Variants in ADRM1 observed in about 807,000 individuals in gnomAD.
The protein encoded by ADRM1 is proteasomal ubiquitin receptor ADRM1.
A neutral mutation model predicts 40.1 loss-of-function variants in ADRM1; 2 were observed. The ratio of observed to expected loss-of-function variants is 0.05; its 90% CI spans 0.02 to 0.16. ADRM1 has a LOEUF of 0.16. Ranked by LOEUF, ADRM1 falls within the 10% of genes least tolerant of loss-of-function variation. The pLI is 1.00. For synonymous variants in ADRM1, 287 were observed against 240.4 expected (o/e 1.19, Z -1.79); for missense variants, 467 against 552.5 (o/e 0.85, Z 1.55).
At chr20:62,304,284 G>A in intron 2 of ADRM1, 177 bp from the exon 3 acceptor site, 1 of 591,988 alleles carries the variant, frequency 1.7e-6, no homozygotes, top group South Asian at 1.9e-5. Context: ...GCCTTTCATG[G>A]GCTGTCTCTG....
chr20:62,304,119 C>T lies in ADRM1; in HGVS notation c.213+338C>T, dbSNP rs186853828. On this transcript the variant is annotated intron_variant, in intron 2 of 9. Coordinates refer to ENST00000253003, the MANE Select transcript of ADRM1 (RefSeq NM_007002.4). Reference sequence around the variant, plus strand: ...TCTGTGCCTGGCGGCTTCACTCAGTCTTCTTTGTTTTTCAAACTCTTAGTT... The same window carrying T: ...TCTGTGCCTGGCGGCTTCACTCAGTTTTCTTTGTTTTTCAAACTCTTAGTT... 1.2e-3 allele frequency: 572 copies of T among 483,294 alleles called. 1 individual carries two copies. Among genetic ancestry groups the T allele is most frequent in the African/African-American group, 1.0e-2 (516 of 51,832 alleles). The allele number at this position is 483,294 out of a possible 1,614,324, so 29.9% of individuals were successfully genotyped here.
At position 62,308,377 on chromosome 20, in the gene ADRM1, A is replaced by G; in HGVS notation, c.1024A>G (p.Met342Val). Residue 342 changes from methionine (M) to valine (V), a missense_variant, in exon 9 of 10, where the codon ATG (methionine) becomes GTG (valine). Physicochemically the swap from Met to Val is conservative, Grantham distance 21. This residue lies in a region of ADRM1 where 418 missense variants were observed against 474.6 expected (regional missense o/e 0.88). Transcript: ENST00000253003. ...TSPQFQQALG[M>V]FSAALASGQL... is the part of the protein sequence containing the mutation. The stretch of plus-strand genomic sequence containing the variant: ...CTGGCTCTTCTTGCAGGCCCTGGGC[A>G]TGTTCAGCGCAGCCTTGGCCTCGGG... 1.9e-6 allele frequency: 3 copies of G among 1,603,406 alleles called. No homozygotes were observed. The highest frequency in any genetic ancestry group is 1.7e-6 in the Non-Finnish European group (2 of 1,176,686).
Position 62,307,366 on chromosome 20 carries a change from C to G in ADRM1, c.542-5C>G, listed in dbSNP as rs772753754. On this transcript the variant is annotated splice_region_variant and splice_polypyrimidine_tract_variant and intron_variant, in intron 5 of 9. Coordinates refer to ENST00000253003, the MANE Select transcript of ADRM1 (RefSeq NM_007002.4). ...CCTGAGCTCGCATTTCCTTGCCCCT[C>G]GCAGGTGGGCTGGGGGCCCTGACTG... is the stretch of plus-strand genomic sequence containing the variant. The G allele has an allele frequency of 1.9e-6, 3 of 1,599,040 alleles. No homozygotes were observed. The highest frequency in any genetic ancestry group is 2.2e-5 in the South Asian group (2 of 89,422).
In ADRM1 at chr20:62,306,714, C is replaced by A; in HGVS notation, c.521C>A (p.Pro174Gln). 6.2e-7 allele frequency: 1 copy of A among 1,609,066 alleles called. No individual in the cohort carries two copies. The highest frequency in any genetic ancestry group is 1.1e-5 in the South Asian group (1 of 90,438). ...AGCCAGCTCATGCAGCTCATCGGAC[C>A]AGCCGGCCTTGGAGGACTGGGTAAC... Reference protein sequence around the residue: ...SHSQLMQLIGPAGLGGLGGLG... With the variant: ...SHSQLMQLIGQAGLGGLGGLG... The change falls in exon 5 of 10, where the codon CCA (proline) becomes CAA (glutamine). Residue 174 changes from proline (P) to glutamine (Q), a missense_variant. By Grantham distance (76) the Pro-to-Gln change is moderately conservative. Transcript: ENST00000253003.
intron 3 of ADRM1, chr20:62,305,446 A>T (rs554660426): frequency 6.6e-6 from 1 of 152,328 alleles, no homozygotes; most frequent in South Asian, 2.1e-4. Context: ...CTCCAGTTAA[A>T]CTTTATTTGC....
In ADRM1 at chr20:62,308,505, CA is replaced by C. The variant is rs778053510; in HGVS notation, c.1117+36del. 2.6e-5 allele frequency: 41 copies of C among 1,574,506 alleles called. No individual in the cohort carries two copies. In the Middle Eastern group the frequency reaches 1.0e-3, roughly 39 times the overall value. On this transcript the variant is annotated intron_variant, in intron 9 of 9. Coordinates refer to ENST00000253003, the MANE Select transcript of ADRM1 (RefSeq NM_007002.4). ...TGCGCCTGCACCTCCAGGCCAGAGC[CA>C]GGGGCAGGGTCCATTCCTGTCCCCC...
chr20:62,306,862 G>A, intron 5 of ADRM1, 128 bp downstream of exon 5: 1 of 960,496 alleles, frequency 1.0e-6, no homozygotes, highest in South Asian at 1.7e-5. Flanking sequence ...TCCGCAAGCT[G>A]GTTCCCCTTT....
At chr20:62,306,061 C>G in intron 3 of ADRM1, 136 bp from the exon 4 acceptor site, 1 of 1,240,344 alleles carries the variant, frequency 8.1e-7, no homozygotes, top group South Asian at 1.5e-5. Context: ...GGTCCTGTCT[C>G]CTCAGCATTG....
Position 62,308,823 on chromosome 20 carries a change from C to T in ADRM1, c.*62C>T. The stretch of plus-strand genomic sequence containing the variant: ...GTGCGTTGCACACCCTCACCTCCCA[C>T]CCACTGATTATTAATAAAGTCTTTT... On this transcript the variant is annotated 3_prime_UTR_variant, in exon 10 of 10. Coordinates refer to ENST00000253003, the MANE Select transcript of ADRM1 (RefSeq NM_007002.4). 1 of 1,577,774 alleles carries T rather than the reference C, an allele frequency of 6.3e-7. No individual in the cohort carries two copies. Among genetic ancestry groups the T allele is most frequent in the Non-Finnish European group, 8.6e-7 (1 of 1,164,782 alleles).
chr20:62,306,043 C>G (rs995098138), intron 3 of ADRM1, 154 bp from the exon 4 acceptor site: 2 of 1,022,272 alleles, frequency 2.0e-6, no homozygotes, highest in African/African-American at 3.2e-5. Context: ...CCCTCACCTG[C>G]TGGGCCGGGT....
chr20:62,304,689 C>T (rs757906575), intron 3 of ADRM1, 112 bp downstream of exon 3: 7 of 1,048,486 alleles, frequency 6.7e-6, no homozygotes, highest in Non-Finnish European at 1.0e-5. Context: ...CCGGCCACAC[C>T]CGGCCACACG....
chr20:62,305,778 C>T (rs1299358692), intron 3 of ADRM1: 5 of 204,948 alleles, frequency 2.4e-5, no homozygotes, highest in Admixed American at 5.2e-5. Flanking sequence ...GAGCGCCTGC[C>T]GTGGCCCTGG....
chr20:62,306,165 G>C (rs1443043909), intron 3 of ADRM1, 32 bp from the exon 4 acceptor site: 3 of 1,596,134 alleles, frequency 1.9e-6, no homozygotes, highest in Non-Finnish European at 2.6e-6. Context: ...GCTGGCGCCA[G>C]CTCCTGCCCT....
chr20:62,307,558 G>C, intron 6 of ADRM1, 38 bp from the exon 7 acceptor site: 3 of 1,602,596 alleles, frequency 1.9e-6, no homozygotes, highest in Non-Finnish European at 1.7e-6. Flanking sequence ...CTGCCGTGTG[G>C]GGCGTGTCCG....
At chr20:62,307,890 T>C in intron 7 of ADRM1, 62 bp downstream of exon 7, 1 of 1,556,098 alleles carries the variant, frequency 6.4e-7, no homozygotes, top group Non-Finnish European at 8.7e-7. Context: ...CCTCGCACGC[T>C]CACCTTCCAA....
At position 62,307,446 on chromosome 20, in the gene ADRM1, C is replaced by T. The variant is rs1251127224; in HGVS notation, c.617C>T (p.Ser206Phe). 2.5e-6 allele frequency: 4 copies of T among 1,609,134 alleles called. No homozygotes were observed. Among genetic ancestry groups the T allele is most frequent in the Admixed American group, 3.3e-5 (2 of 59,720 alleles). ...AGTGGGCCTCCAGGGAGCAGCTCCT[C>T]CTCCAGGTGAGCCTCATCGCTCCTG... ...GSSGPPGSSS[S>F]SSSRSQSAAV... Residue 206 changes from serine (S) to phenylalanine (F), a missense_variant, in exon 6 of 10, where the codon TCC becomes TTC. Physicochemically the swap from Ser to Phe is radical, Grantham distance 155 (BLOSUM62 -2). Coordinates refer to ENST00000253003, the MANE Select transcript of ADRM1 (RefSeq NM_007002.4).
intron 3 of ADRM1, among the ~76,000 whole-genome samples, chr20:62,305,187 G>T (rs866653211): frequency 6.6e-6 from 1 of 152,224 alleles, no homozygotes; most frequent in Admixed American, 6.5e-5. Flanking sequence ...CCATAAGCCA[G>T]TATCATCTGT....
Position 62,307,700 on chromosome 20 carries a change from G to A in ADRM1, c.728G>A (p.Ser243Asn). The A allele has an allele frequency of 6.2e-7, 1 of 1,612,182 alleles. No homozygotes were observed. The highest frequency in any genetic ancestry group is 1.1e-5 in the South Asian group (1 of 91,050). Reference sequence around the variant, plus strand: ...GCAGCTGCCTCAGCAACTAGCCCGAGCCCCGCGCCCAGTTCCGGGAATGGA... The same window carrying A: ...GCAGCTGCCTCAGCAACTAGCCCGAACCCCGCGCCCAGTTCCGGGAATGGA... ...APAAASATSP[S>N]PAPSSGNGAS... Residue 243 changes from serine (S) to asparagine (N), a missense_variant, in exon 7 of 10, where the codon AGC (serine) becomes AAC (asparagine). Around this residue, in one of 3 missense-constraint regions of ADRM1, gnomAD observed 418 missense variants for 474.6 expected, o/e 0.88. Transcript: ENST00000253003.
chr20:62,307,016 G>C (rs985059965), intron 5 of ADRM1, among the ~76,000 whole-genome samples: 1 of 152,202 alleles, frequency 6.6e-6, no homozygotes, highest in Non-Finnish European at 1.5e-5. Flanking sequence ...GGGTTCCTGC[G>C]CCCTGGGTCC....
Sources: allele counts gnomAD v4.1 joint callset (sites outside exome capture counted in the v4.1 genomes callset), GRCh38; gene constraint gnomAD v4.1.1; regional missense constraint gnomAD v4.1.1; transcripts MANE v1.5; gene names NCBI Gene and HGNC (gene_info 2026-07-23, HGNC 2026-07-21).